SLC9A9: variants seen among roughly 807,000 people sequenced by gnomAD.
SLC9A9 encodes the protein solute carrier family 9 member A9.
In SLC9A9, 62 loss-of-function variants were observed where a neutral mutation model predicts 77.8. That is an observed-to-expected ratio of 0.80 (90% confidence interval 0.65 to 0.98). The LOEUF is 0.98. SLC9A9 is among the 50% of genes least tolerant of loss of function. SLC9A9 has a pLI of 0.00. For synonymous variants in SLC9A9, 320 were observed against 283.5 expected (o/e 1.13, Z -1.29); for missense variants, 775 against 774.9 (o/e 1.00, Z 0.00).
chr3:143,796,621 C>T (rs1417328614), intron 3 of SLC9A9, among the ~76,000 whole-genome samples: 1 of 152,172 alleles, frequency 6.6e-6, no homozygotes, highest in Non-Finnish European at 1.5e-5. Context: ...TCAATAGTTA[C>T]ATGTGGTTAA....
chr3:143,743,245 A>ATGGATG (rs1560059080), intron 4 of SLC9A9, among the ~76,000 whole-genome samples: 86 of 62,590 alleles, frequency 1.4e-3, no homozygotes, highest in African/African-American at 3.5e-3. Context: ...ATGGATGGAT[A>ATGGATG]GATAGATAGA....
At chr3:143,654,480 C>T (rs1280751825) in intron 5 of SLC9A9, among the ~76,000 whole-genome samples, 1 of 152,146 alleles carries the variant, frequency 6.6e-6, no homozygotes, top group Non-Finnish European at 1.5e-5. Context: ...AACTTTTAGA[C>T]GTTGCAGTTG....
At chr3:143,669,444 C>G (rs935166802) in intron 5 of SLC9A9, among the ~76,000 whole-genome samples, 1 of 152,218 alleles carries the variant, frequency 6.6e-6, no homozygotes. Flanking sequence ...AGCTGTTGAA[C>G]TGCTTCAAAC....
At chr3:143,528,854 C>T (rs1401350115) in intron 9 of SLC9A9, among the ~76,000 whole-genome samples, 1 of 151,398 alleles carries the variant, frequency 6.6e-6, no homozygotes, top group East Asian at 1.9e-4. Context: ...GTGTGCCAGG[C>T]ATCAGACTAT....
At chr3:143,269,853 A>G (rs906083942) in intron 14 of SLC9A9, among the ~76,000 whole-genome samples, 2 of 152,236 alleles carry the variant, frequency 1.3e-5, no homozygotes, top group Non-Finnish European at 2.9e-5. Flanking sequence ...TGGTTGGATC[A>G]TGAAGATCCG....
At chr3:143,628,096 G>A (rs983876230) in intron 6 of SLC9A9, among the ~76,000 whole-genome samples, 1 of 152,134 alleles carries the variant, frequency 6.6e-6, no homozygotes, top group Non-Finnish European at 1.5e-5. Flanking sequence ...CACTGTAACT[G>A]CTGGGAAGGA....
intron 4 of SLC9A9, among the ~76,000 whole-genome samples, chr3:143,703,311 G>A (rs781738897): frequency 3.3e-5 from 5 of 151,958 alleles, no homozygotes; most frequent in Non-Finnish European, 4.4e-5. Context: ...CAGGACATAT[G>A]TTAGATCACA....
At chr3:143,294,398 G>C (rs1208121666) in intron 14 of SLC9A9, among the ~76,000 whole-genome samples, 1 of 152,170 alleles carries the variant, frequency 6.6e-6, no homozygotes, top group Admixed American at 6.5e-5. Flanking sequence ...AGTCCTTACA[G>C]TGCATTTTCA....
chr3:143,359,700 AATGGGG>A (rs2032691657), intron 14 of SLC9A9, among the ~76,000 whole-genome samples: 1 of 152,070 alleles, frequency 6.6e-6, no homozygotes, highest in South Asian at 2.1e-4. Context: ...CCCACTCCAC[AATGGGG>A]ATATGGCAAT....
intron 4 of SLC9A9, among the ~76,000 whole-genome samples, chr3:143,747,057 CA>C (rs1935212296): frequency 6.6e-6 from 1 of 151,986 alleles, no homozygotes; most frequent in South Asian, 2.1e-4. Context: ...AATGGGCCCA[CA>C]AAGATATGAG....
Position 143,609,391 on chromosome 3 carries a change from C to T in SLC9A9, c.756-30668G>A, listed in dbSNP as rs150567364. Among the ~76,000 whole-genome samples the T allele has an allele frequency of 1.4e-4, 21 of 152,016 alleles. No individual in the cohort carries two copies. In the East Asian group the frequency reaches 4.1e-3, roughly 29 times the overall value. ...GTGAATTTTCTATAGAATAGGATAG[C>T]CTAGAATCAATACTTTTTCAATTAC... On this transcript the variant is annotated intron_variant, in intron 6 of 15. Transcript: ENST00000316549.
chr3:143,275,480 C>T (rs1464060393), intron 14 of SLC9A9, among the ~76,000 whole-genome samples: 1 of 152,086 alleles, frequency 6.6e-6, no homozygotes, highest in African/African-American at 2.4e-5. Context: ...TTAGGGACTC[C>T]TATTCTCTAG....
intron 9 of SLC9A9, among the ~76,000 whole-genome samples, chr3:143,540,714 T>C (rs1003729023): frequency 1.3e-5 from 2 of 152,226 alleles, no homozygotes; most frequent in Non-Finnish European, 2.9e-5. Context: ...CGAGTTGTGA[T>C]GCACTACTCT....
intron 13 of SLC9A9, among the ~76,000 whole-genome samples, chr3:143,376,366 C>T (rs538231135): frequency 7.9e-5 from 12 of 152,312 alleles, no homozygotes; most frequent in Admixed American, 1.3e-4. Flanking sequence ...GAGAATGAAA[C>T]GGCTTTGGCC....
At chr3:143,288,493 T>C (rs1420191975) in intron 14 of SLC9A9, among the ~76,000 whole-genome samples, 1 of 152,202 alleles carries the variant, frequency 6.6e-6, no homozygotes, top group East Asian at 1.9e-4. Context: ...AGGCTGGTCC[T>C]CTGAATTACA....
chr3:143,427,506 T>G (rs1432237903), intron 12 of SLC9A9, among the ~76,000 whole-genome samples: 2 of 152,220 alleles, frequency 1.3e-5, no homozygotes, highest in African/African-American at 4.8e-5. Flanking sequence ...TTTTACAAAG[T>G]AGGACTTGAG....
intron 4 of SLC9A9, among the ~76,000 whole-genome samples, chr3:143,774,896 G>C (rs191232560): frequency 5.5e-4 from 83 of 152,170 alleles, no homozygotes; most frequent in African/African-American, 1.8e-3. Flanking sequence ...TGCCTCCTCC[G>C]TTCATTTTCT....
At chr3:143,603,230 A>G (rs1283760508) in intron 6 of SLC9A9, among the ~76,000 whole-genome samples, 1 of 152,224 alleles carries the variant, frequency 6.6e-6, no homozygotes, top group Non-Finnish European at 1.5e-5. Flanking sequence ...AAGTGCTCAC[A>G]TCTGAGATTC....
At chr3:143,345,332 A>G (rs951162339) in intron 14 of SLC9A9, among the ~76,000 whole-genome samples, 2 of 152,144 alleles carry the variant, frequency 1.3e-5, no homozygotes, top group Non-Finnish European at 2.9e-5. Context: ...GAACCTGAAA[A>G]TGGCCAGAAA....
Sources: allele counts gnomAD v4.1 joint callset (sites outside exome capture counted in the v4.1 genomes callset), GRCh38; gene constraint gnomAD v4.1.1; transcripts MANE v1.5; gene names NCBI Gene and HGNC (gene_info 2026-07-23, HGNC 2026-07-21).